PTPRM: variants seen among roughly 807,000 people sequenced by gnomAD.
PTPRM encodes the protein protein tyrosine phosphatase receptor type M.
Under a neutral mutation model 186.7 loss-of-function variants are expected in PTPRM, and 47 were observed. That is an observed-to-expected ratio of 0.25 (90% CI 0.20 to 0.32). The LOEUF (loss-of-function observed/expected upper bound fraction) is 0.32. PTPRM is among the 10% of genes least tolerant of loss of function. The probability of loss-of-function intolerance (pLI) is 1.00; values close to 1 mark genes in which losing one functional copy is unlikely to be tolerated. For missense variants in PTPRM, 1,494 were observed against 1,865.0 expected (o/e 0.80, Z 3.66); for synonymous variants, 668 against 674.9 (o/e 0.99, Z 0.16).
At chr18:7,714,393 T>TA (rs2040278571) in intron 1 of PTPRM, among the ~76,000 whole-genome samples, 1 of 152,140 alleles carries the variant, frequency 6.6e-6, no homozygotes, top group African/African-American at 2.4e-5. Flanking sequence ...TTTATAGCAC[T>TA]AAATGCCCAC....
intron 23 of PTPRM, among the ~76,000 whole-genome samples, chr18:8,358,474 C>T (rs539197305): frequency 3.9e-4 from 59 of 152,276 alleles, no homozygotes; most frequent in African/African-American, 1.3e-3. Context: ...CTGTTTCTCA[C>T]GCCTCCTGTG....
intron 1 of PTPRM, among the ~76,000 whole-genome samples, chr18:7,648,575 A>G (rs1054410180): frequency 1.4e-4 from 22 of 152,216 alleles, no homozygotes; most frequent in Non-Finnish European, 2.6e-4. Flanking sequence ...AAGAAAGTGA[A>G]ACAGCTTTAT....
intron 1 of PTPRM, among the ~76,000 whole-genome samples, chr18:7,577,643 C>A (rs1310022800): frequency 6.6e-6 from 1 of 152,148 alleles, no homozygotes; most frequent in Non-Finnish European, 1.5e-5. Flanking sequence ...TAAAAAGAGG[C>A]TACTTTGACA....
At chr18:7,892,132 A>G (rs1000482712) in intron 3 of PTPRM, among the ~76,000 whole-genome samples, 7 of 152,172 alleles carry the variant, frequency 4.6e-5, no homozygotes, top group African/African-American at 1.7e-4. Context: ...AGTTGATATC[A>G]GAAGGTATGT....
chr18:7,882,087 G>T (rs958850284), intron 2 of PTPRM, among the ~76,000 whole-genome samples: 4 of 152,034 alleles, frequency 2.6e-5, no homozygotes, highest in African/African-American at 9.7e-5. Context: ...ACTCAGTATG[G>T]TCGGCAGATC....
intron 14 of PTPRM, among the ~76,000 whole-genome samples, chr18:8,205,233 C>T (rs1015397170): frequency 6.6e-6 from 1 of 152,038 alleles, no homozygotes. Flanking sequence ...AGTCATTTCT[C>T]GCTGCTCTAA....
chr18:7,955,062 A>T, intron 6 of PTPRM, 59 bp from the exon 7 acceptor site: 1 of 1,436,950 alleles, frequency 7.0e-7, no homozygotes, highest in Middle Eastern at 1.8e-4. Context: ...ATGCATGTTT[A>T]GCTCTTTTAA....
chr18:7,949,038 T>C, intron 5 of PTPRM, 143 bp from the exon 6 acceptor site: 1 of 697,786 alleles, frequency 1.4e-6, no homozygotes, highest in Non-Finnish European at 2.2e-6. Context: ...GCTATTCTCC[T>C]GGTACAACTG....
intron 1 of PTPRM, among the ~76,000 whole-genome samples, chr18:7,594,902 T>G (rs1383256198): frequency 6.6e-6 from 1 of 152,114 alleles, no homozygotes; most frequent in East Asian, 1.9e-4. Context: ...AGGTAAAAAA[T>G]AGCTTCTTTT....
intron 29 of PTPRM, among the ~76,000 whole-genome samples, chr18:8,383,577 A>G (rs1163264979): frequency 6.6e-6 from 1 of 152,122 alleles, no homozygotes; most frequent in Non-Finnish European, 1.5e-5. Flanking sequence ...ATTTACATTC[A>G]TGCAAATGTT....
intron 1 of PTPRM, among the ~76,000 whole-genome samples, chr18:7,707,531 C>CAGG (rs761046013): frequency 2.6e-5 from 4 of 151,848 alleles, no homozygotes; most frequent in Non-Finnish European, 4.4e-5. Flanking sequence ...TCCAGCTACT[C>CAGG]AGGAGGTTGA....
chr18:8,232,570 T>C (rs1362219506), intron 14 of PTPRM, among the ~76,000 whole-genome samples: 1 of 152,144 alleles, frequency 6.6e-6, no homozygotes, highest in Non-Finnish European at 1.5e-5. Flanking sequence ...TGTCACCCAG[T>C]GACAGTGCAG....
intron 7 of PTPRM, among the ~76,000 whole-genome samples, chr18:8,006,015 C>T (rs1445119316): frequency 1.2e-5 from 1 of 86,016 alleles, no homozygotes; most frequent in Admixed American, 1.1e-4. Flanking sequence ...CGTAGCAGAG[C>T]AAGAGGTGAA....
intron 7 of PTPRM, among the ~76,000 whole-genome samples, chr18:8,056,267 A>G (rs1341162504): frequency 6.6e-6 from 1 of 152,238 alleles, no homozygotes; most frequent in Non-Finnish European, 1.5e-5. Flanking sequence ...TAGCCAAAGA[A>G]AGAAATAGTT....
intron 7 of PTPRM, among the ~76,000 whole-genome samples, chr18:8,055,756 TG>T (rs2087881442): frequency 6.6e-6 from 1 of 152,198 alleles, no homozygotes; most frequent in Non-Finnish European, 1.5e-5. Flanking sequence ...TATGTATCAG[TG>T]TGTTTATAGA....
intron 14 of PTPRM, among the ~76,000 whole-genome samples, chr18:8,182,587 C>T (rs952946821): frequency 1.3e-5 from 2 of 152,184 alleles, no homozygotes; most frequent in African/African-American, 2.4e-5. Context: ...GTCTAGCCCA[C>T]ACTTTGAATT....
chr18:7,767,255 G>A (rs955911858), intron 1 of PTPRM, among the ~76,000 whole-genome samples: 12 of 152,180 alleles, frequency 7.9e-5, no homozygotes, highest in Non-Finnish European at 1.8e-4. Context: ...AATCAATTTA[G>A]TGGATCTAGA....
chr18:7,976,052 C>T, intron 7 of PTPRM, among the ~76,000 whole-genome samples: 1 of 152,094 alleles, frequency 6.6e-6, no homozygotes, highest in Non-Finnish European at 1.5e-5. Flanking sequence ...GCCTTTAATC[C>T]CAGCTACTCA....
At chr18:8,150,613 G>A (rs1053350868) in intron 14 of PTPRM, among the ~76,000 whole-genome samples, 1 of 152,192 alleles carries the variant, frequency 6.6e-6, no homozygotes, top group Middle Eastern at 3.4e-3. Flanking sequence ...GCTTGGAGGA[G>A]TTTGTTATTA....
Sources: gnomAD v4.1 joint callset for allele counts (sites outside exome capture counted in the v4.1 genomes callset) on GRCh38, gnomAD v4.1.1 for gene constraint, MANE v1.5 for transcripts, NCBI Gene and HGNC (gene_info 2026-07-23, HGNC 2026-07-21) for gene names.